Variants in FRMD4A observed in about 807,000 individuals in gnomAD.
FRMD4A encodes FERM domain-containing protein 4A.
FRMD4A carries 29 observed loss-of-function variants against 129.1 expected under a neutral mutation model. The ratio of observed to expected loss-of-function variants is 0.22; its 90% CI spans 0.17 to 0.31. The LOEUF is 0.31. Ranked by LOEUF, FRMD4A falls within the 10% of genes least tolerant of loss-of-function variation. The pLI, the probability that FRMD4A is intolerant of heterozygous loss-of-function variation, is 1.00. For missense variants in FRMD4A, 1,272 were observed against 1,375.8 expected (o/e 0.92, Z 1.19); for synonymous variants, 634 against 571.6 (o/e 1.11, Z -1.56).
intron 2 of FRMD4A, among the ~76,000 whole-genome samples, chr10:14,319,696 C>T (rs1004251682): frequency 3.9e-5 from 6 of 152,162 alleles, no homozygotes; most frequent in Non-Finnish European, 5.9e-5. Flanking sequence ...GTTATTTCCT[C>T]TCTATAATCT....
intron 3 of FRMD4A, among the ~76,000 whole-genome samples, chr10:13,827,323 G>A (rs11258658): frequency 0.63 from 95,962 of 151,968 alleles, 30,427 homozygotes; most frequent in Middle Eastern, 0.77. Context: ...CTAGCCCCCA[G>A]CAAAGCCCAG....
chr10:14,012,291 A>C (rs1015623507), intron 2 of FRMD4A, among the ~76,000 whole-genome samples: 1 of 152,178 alleles, frequency 6.6e-6, no homozygotes, highest in Non-Finnish European at 1.5e-5. Flanking sequence ...GGAGCAGCAC[A>C]CTTAAGGCTG....
intron 2 of FRMD4A, among the ~76,000 whole-genome samples, chr10:14,226,489 G>C (rs954711253): frequency 2.0e-5 from 3 of 152,212 alleles, no homozygotes; most frequent in Non-Finnish European, 2.9e-5. Context: ...CTGGAAGCAA[G>C]AAATGCAAAA....
At chr10:14,195,647 G>A (rs1356011465) in intron 2 of FRMD4A, among the ~76,000 whole-genome samples, 5 of 152,230 alleles carry the variant, frequency 3.3e-5, no homozygotes, top group African/African-American at 9.6e-5. Flanking sequence ...GGGGAATCAA[G>A]CTGGGGCTAA....
intron 14 of FRMD4A, among the ~76,000 whole-genome samples, chr10:13,696,019 G>A (rs146980576): frequency 2.6e-5 from 4 of 152,260 alleles, no homozygotes; most frequent in African/African-American, 9.6e-5. Context: ...TTCACCTGGT[G>A]TGAATTGTCT....
chr10:14,302,251 C>A (rs1181820376), intron 2 of FRMD4A, among the ~76,000 whole-genome samples: 2 of 152,124 alleles, frequency 1.3e-5, no homozygotes, highest in Non-Finnish European at 2.9e-5. Flanking sequence ...AGAGGCTGAT[C>A]TAGTTGGTTT....
At chr10:13,926,043 G>C (rs558741149) in intron 2 of FRMD4A, among the ~76,000 whole-genome samples, 1 of 152,108 alleles carries the variant, frequency 6.6e-6, no homozygotes, top group South Asian at 2.1e-4. Flanking sequence ...TCTGTTCATC[G>C]TGTGTGGTTC....
At chr10:14,323,399 C>T (rs746249403) in intron 2 of FRMD4A, among the ~76,000 whole-genome samples, 19 of 152,284 alleles carry the variant, frequency 1.2e-4, no homozygotes, top group East Asian at 5.8e-4. Flanking sequence ...ATTTTACAGA[C>T]GGTGAGATTT....
chr10:14,291,954 T>C (rs1845862149), intron 2 of FRMD4A, among the ~76,000 whole-genome samples: 1 of 152,136 alleles, frequency 6.6e-6, no homozygotes, highest in African/African-American at 2.4e-5. Flanking sequence ...GCTACCATCA[T>C]AATAGTTATA....
At position 14,262,849 on chromosome 10, in the gene FRMD4A, T is replaced by A. The variant is rs527942065; in HGVS notation, c.45+67209A>T. On this transcript the variant is annotated intron_variant, in intron 2 of 24. Coordinates refer to ENST00000357447, the MANE Select transcript of FRMD4A (RefSeq NM_018027.5). ...GCATCAGCACAATGTAAGTCTATCT[T>A]AAAGCACATTTTCTTTTACAAGTAA... Among the ~76,000 whole-genome samples the A allele has an allele frequency of 7.9e-5, 12 of 152,318 alleles. No individual in the cohort carries two copies. In the South Asian group the frequency reaches 2.5e-3, roughly 32 times the overall value.
chr10:13,887,371 A>G (rs1223936660), intron 2 of FRMD4A, among the ~76,000 whole-genome samples: 1 of 152,190 alleles, frequency 6.6e-6, no homozygotes, highest in Non-Finnish European at 1.5e-5. Context: ...GAAAATGCCC[A>G]ATTTCCACTG....
At chr10:13,664,897 T>C (rs2082898319) in intron 18 of FRMD4A, among the ~76,000 whole-genome samples, 1 of 152,110 alleles carries the variant, frequency 6.6e-6, no homozygotes, top group Non-Finnish European at 1.5e-5. Context: ...TGTTTGTTTG[T>C]TTGAGATAGA....
At chr10:14,284,996 G>C (rs1341819098) in intron 2 of FRMD4A, among the ~76,000 whole-genome samples, 1 of 152,166 alleles carries the variant, frequency 6.6e-6, no homozygotes. Context: ...CCAACACAGA[G>C]CCTGATACGA....
chr10:13,899,565 A>T (rs2131188453), intron 2 of FRMD4A, among the ~76,000 whole-genome samples: 1 of 152,216 alleles, frequency 6.6e-6, no homozygotes. Flanking sequence ...TGGCAGGCTG[A>T]GGTGGGACGA....
In FRMD4A at chr10:13,654,578, C is replaced by T. The variant is rs546131500; in HGVS notation, c.2954-66G>A. 4.5e-4 allele frequency: 457 copies of T among 1,023,326 alleles called. 4 individuals are homozygous for T. The African/African-American group carries it at 6.0e-3, about 13-fold the overall frequency. 63.4% of individuals were successfully genotyped at this position (1,023,326 alleles called of 1,614,324 possible). A position where few individuals can be genotyped will look rare whatever the true frequency, so the allele number is the denominator to read the frequency against. ...GATCAGACACAGGTGAAAGAGCTTG[C>T]GACTTGTTGGCTGACACCAACCCAG... On this transcript the variant is annotated intron_variant, in intron 22 of 24. Coordinates refer to ENST00000357447, the MANE Select transcript of FRMD4A (RefSeq NM_018027.5).
chr10:14,199,964 C>T (rs549474208), intron 2 of FRMD4A, among the ~76,000 whole-genome samples: 1 of 150,012 alleles, frequency 6.7e-6, no homozygotes, highest in Non-Finnish European at 1.5e-5. Flanking sequence ...TATATGTTTA[C>T]ATTGTGGAAT....
At chr10:13,815,202 T>A (rs2130888369) in intron 3 of FRMD4A, among the ~76,000 whole-genome samples, 1 of 152,210 alleles carries the variant, frequency 6.6e-6, no homozygotes, top group Middle Eastern at 3.4e-3. Context: ...CAAAACAAGG[T>A]TGAGATACAC....
intron 2 of FRMD4A, among the ~76,000 whole-genome samples, chr10:14,141,330 CA>C (rs1168493178): frequency 3.9e-5 from 6 of 152,150 alleles, no homozygotes; most frequent in Non-Finnish European, 7.4e-5. Context: ...ATCAATTTTA[CA>C]GGTCAGAAAA....
intron 15 of FRMD4A, among the ~76,000 whole-genome samples, chr10:13,677,948 C>T (rs2084142764): frequency 6.6e-6 from 1 of 152,182 alleles, no homozygotes; most frequent in Non-Finnish European, 1.5e-5. Context: ...TTCCCTTTCA[C>T]CCCTGCCTAA....
Sources: allele counts gnomAD v4.1 joint callset (sites outside exome capture counted in the v4.1 genomes callset), GRCh38; gene constraint gnomAD v4.1.1; transcripts MANE v1.5; gene names NCBI Gene and HGNC (gene_info 2026-07-23, HGNC 2026-07-21).